Variants in GOLM1 observed in about 807,000 individuals in gnomAD.
The protein encoded by GOLM1 is golgi membrane protein 1.
A neutral mutation model predicts 50.5 loss-of-function variants in GOLM1; 31 were observed. That is an observed-to-expected ratio of 0.61 (90% CI 0.46 to 0.83). The LOEUF (loss-of-function observed/expected upper bound fraction) is 0.83, where lower values mean the gene tolerates loss of function less well. Among genes scored for constraint, GOLM1 ranks in the 40% least tolerant of loss-of-function variants. The pLI, the probability that GOLM1 is intolerant of heterozygous loss-of-function variation, is 0.00. For missense variants in GOLM1, 491 were observed against 501.3 expected (o/e 0.98, Z 0.20); for synonymous variants, 178 against 192.8 (o/e 0.92, Z 0.64).
At chr9:86,096,864 A>C (rs1835368798) in intron 1 of GOLM1, among the ~76,000 whole-genome samples, 1 of 152,180 alleles carries the variant, frequency 6.6e-6, no homozygotes. Context: ...TTTTTTTATT[A>C]CTAAGAAACA....
chr9:86,098,539 C>G (rs540810460), intron 1 of GOLM1, among the ~76,000 whole-genome samples: 1 of 152,288 alleles, frequency 6.6e-6, no homozygotes, highest in African/African-American at 2.4e-5. Context: ...AAGAAAACCT[C>G]AAAATCGTGA....
rs1554782110 is a variant in GOLM1, at chr9:86,037,453, A to AAAAG, written c.598-947_598-946insCTTT. ...GACTGTCTCTCAAAAAAAAAAAAAA[A>AAAAG]AAAAAGAAAATGCTTTGCCACAAAA... On this transcript the variant is annotated intron_variant, in intron 6 of 9. Transcript: ENST00000388712. 1.1e-3 allele frequency among the ~76,000 whole-genome samples: 172 copies of AAAAG among 151,884 alleles called. 4 individuals carry two copies. In the South Asian group the frequency reaches 0.03, roughly 27 times the overall value.
chr9:86,052,712 T>C (rs1833796507), intron 3 of GOLM1, 121 bp from the exon 4 acceptor site: 13 of 796,426 alleles, frequency 1.6e-5, no homozygotes, highest in South Asian at 5.8e-5. Flanking sequence ...GGGAAGGAGC[T>C]CGCACTCAGC....
chr9:86,065,768 G>A (rs1834290831), intron 3 of GOLM1, among the ~76,000 whole-genome samples: 1 of 152,182 alleles, frequency 6.6e-6, no homozygotes, highest in Non-Finnish European at 1.5e-5. Flanking sequence ...CGGGCTGGGT[G>A]CGGTGGCACA....
rs930112851 is a variant in GOLM1 at position 86,076,454 on chromosome 9, A to G, written c.309+958T>C. On this transcript the variant is annotated intron_variant, in intron 3 of 9. Coordinates refer to ENST00000388712, the MANE Select transcript of GOLM1 (RefSeq NM_016548.4). ...AAAAAAAAAAAAAAAAAAAAAAAAA[A>G]GCCAAATTTTTCTAGTTAATAATAG... 8.8e-4 allele frequency among the ~76,000 whole-genome samples: 120 copies of G among 136,746 alleles called. 1 individual carries two copies. The highest frequency in any genetic ancestry group is 3.5e-4 in the Non-Finnish European group (23 of 64,806). 89.7% of individuals were successfully genotyped at this position (136,746 alleles called of 152,430 possible).
chr9:86,072,386 C>G (rs1834474585), intron 3 of GOLM1, among the ~76,000 whole-genome samples: 2 of 152,300 alleles, frequency 1.3e-5, no homozygotes, highest in Non-Finnish European at 2.9e-5. Flanking sequence ...CACCATCACA[C>G]AGCTGTTGAG....
In GOLM1 at chr9:86,059,899, CAAAAAAA is replaced by C. The variant is rs139699884; in HGVS notation, c.310-7315_310-7309del. ...CGGGTGACACAGTGTGAGTCTATCT[CAAAAAAA>C]AAAAAAAAAAAAAAAAAGTTTTGGA... On this transcript the variant is annotated intron_variant, in intron 3 of 9. Transcript: ENST00000388712. 7.1e-3 allele frequency among the ~76,000 whole-genome samples: 373 copies of C among 52,460 alleles called. 1 individual carries two copies. The highest frequency in any genetic ancestry group is 0.024 in the African/African-American group (341 of 14,508). The allele number at this position is 52,460 out of a possible 152,430, so 34.4% of individuals were successfully genotyped here. A position where few individuals can be genotyped will look rare whatever the true frequency, so the allele number is the denominator to read the frequency against.
At chr9:86,050,425 A>T (rs1833706614) in intron 4 of GOLM1, among the ~76,000 whole-genome samples, 2 of 152,206 alleles carry the variant, frequency 1.3e-5, no homozygotes, top group Admixed American at 1.3e-4. Context: ...TGATTAGAAT[A>T]GTTTCAGAAG....
chr9:86,036,376 A>C lies in GOLM1; in HGVS notation c.729T>G (p.Val243=). The change falls in exon 7 of 10, where the codon GTT becomes GTG. Residue 243 remains valine (V), a synonymous_variant. Transcript: ENST00000388712. ...TCTCAACTTGTCTCTTTGAATCCAA[A>C]ACCACTTCGGAACTGGGGGCTGGTG... ...SQTPAPSSEV[V]LDSKRQVEKE... 6.2e-7 allele frequency: 1 copy of C among 1,614,136 alleles called. No individual in the cohort carries two copies. Among genetic ancestry groups the C allele is most frequent in the East Asian group, 2.2e-5 (1 of 44,880 alleles).
intron 1 of GOLM1, among the ~76,000 whole-genome samples, chr9:86,098,613 A>G (rs1461898534): frequency 6.6e-6 from 1 of 152,260 alleles, no homozygotes; most frequent in Non-Finnish European, 1.5e-5. Context: ...CAGCATCATC[A>G]TGGTATTTCA....
rs778148592 is a variant in GOLM1, at chr9:86,033,354, T to C, written c.1057A>G (p.Met353Val). ...TCAGATTCTGCTTCATTTTCATCCA[T>C]GTTGTAGTCATCTTCTCCTCTCAGT... ...QKLRGEDDYN[M>V]DENEAESETD... Residue 353 changes from methionine (M) to valine (V), a missense_variant, in exon 9 of 10, where the codon ATG becomes GTG. By Grantham distance (21) the Met-to-Val change is conservative (BLOSUM62 1). Transcript: ENST00000388712. 1 of 1,613,338 alleles carries C rather than the reference T, an allele frequency of 6.2e-7. No homozygotes were observed. The highest frequency in any genetic ancestry group is 2.2e-5 in the East Asian group (1 of 44,868).
intron 5 of GOLM1, among the ~76,000 whole-genome samples, chr9:86,042,724 C>A (rs1833400048): frequency 6.6e-6 from 1 of 152,132 alleles, no homozygotes; most frequent in Admixed American, 6.5e-5. Flanking sequence ...TTTAAACCTG[C>A]AAAAGGGAAG....
intron 1 of GOLM1, among the ~76,000 whole-genome samples, chr9:86,091,448 G>A (rs1835183329): frequency 6.6e-6 from 1 of 152,082 alleles, no homozygotes; most frequent in South Asian, 2.1e-4. Context: ...TACAAAGAAT[G>A]CAGCTTTTTT....
chr9:86,044,844 C>T (rs1833482548), intron 5 of GOLM1, among the ~76,000 whole-genome samples: 1 of 151,720 alleles, frequency 6.6e-6, no homozygotes, highest in Admixed American at 6.6e-5. Flanking sequence ...CCCAGCTACT[C>T]GGGAGGCTGA....
chr9:86,060,876 CA>C (rs753183065), intron 3 of GOLM1, among the ~76,000 whole-genome samples: 4 of 19,910 alleles, frequency 2.0e-4, no homozygotes, highest in Admixed American at 7.1e-4. Context: ...GAAACTCTCT[CA>C]AAAAAAAAAA....
chr9:86,040,435 T>C (rs1447517443), intron 6 of GOLM1, among the ~76,000 whole-genome samples: 1 of 152,112 alleles, frequency 6.6e-6, no homozygotes, highest in Non-Finnish European at 1.5e-5. Flanking sequence ...GCCACAGAAC[T>C]TAACCCCTCC....
upstream of GOLM1, chr9:86,099,982 A>G (rs1055846770): frequency 1.3e-5 from 2 of 152,284 alleles, no homozygotes; most frequent in African/African-American, 4.8e-5. Context: ...TGCCCAGAGA[A>G]GGAAGCGAAC....
In GOLM1 at chr9:86,027,699, T is replaced by C; in HGVS notation, c.*118A>G. On this transcript the variant is annotated 3_prime_UTR_variant, in exon 10 of 10. Coordinates refer to ENST00000388712, the MANE Select transcript of GOLM1 (RefSeq NM_016548.4). Reference sequence around the variant, plus strand: ...AGTGCATACTAAAATTTCACAATAATCATCTTCAGATGTACATTTTATTTA... The same window carrying C: ...AGTGCATACTAAAATTTCACAATAACCATCTTCAGATGTACATTTTATTTA... The C allele has an allele frequency of 7.0e-7, 1 of 1,434,296 alleles. No individual in the cohort carries two copies. Among genetic ancestry groups the C allele is most frequent in the Non-Finnish European group, 9.1e-7 (1 of 1,093,180 alleles). 88.8% of individuals were successfully genotyped at this position (1,434,296 alleles called of 1,614,324 possible).
intron 1 of GOLM1, among the ~76,000 whole-genome samples, chr9:86,087,387 G>C (rs530532215): frequency 1.4e-4 from 22 of 152,304 alleles, no homozygotes; most frequent in African/African-American, 5.1e-4. Context: ...CATGTTGTCT[G>C]CAAACAGGGA....
Sources: allele counts gnomAD v4.1 joint callset (sites outside exome capture counted in the v4.1 genomes callset), GRCh38; gene constraint gnomAD v4.1.1; transcripts MANE v1.5; gene names NCBI Gene and HGNC (gene_info 2026-07-23, HGNC 2026-07-21).